Variants in APP observed in about 807,000 individuals in gnomAD.
APP encodes amyloid-beta precursor protein.
Under a neutral mutation model 101.4 loss-of-function variants are expected in APP, and 31 were observed. The observed-to-expected ratio is 0.31, with a 90% CI of 0.23 to 0.41. The LOEUF is 0.41. Ranked by LOEUF, APP falls within the 10% of genes least tolerant of loss-of-function variation. The pLI, the probability that APP is intolerant of heterozygous loss-of-function variation, is 1.00. For missense variants in APP, 839 were observed against 1,003.7 expected, an observed-to-expected ratio of 0.84 and a Z score of 2.22; for synonymous variants, 366 against 364.4, an observed-to-expected ratio of 1.00 and a Z score of -0.05.
intron 5 of APP, among the ~76,000 whole-genome samples, chr21:26,037,827 C>T (rs2045186743): frequency 6.6e-6 from 1 of 152,076 alleles, no homozygotes; most frequent in South Asian, 2.1e-4. Flanking sequence ...TTGAGGCTAA[C>T]CATTAACATT....
At chr21:26,038,122 AATC>A (rs1433035840) in intron 5 of APP, among the ~76,000 whole-genome samples, 3 of 152,182 alleles carry the variant, frequency 2.0e-5, no homozygotes, top group Non-Finnish European at 2.9e-5. Flanking sequence ...GCAGTTTTCT[AATC>A]ATGAGACATC....
At chr21:26,164,942 C>T (rs564768882) in intron 1 of APP, among the ~76,000 whole-genome samples, 138 of 150,218 alleles carry the variant, frequency 9.2e-4, no homozygotes, top group Non-Finnish European at 1.6e-3. Flanking sequence ...GTAAAAAATG[C>T]TTATGCTTTT....
intron 14 of APP, among the ~76,000 whole-genome samples, chr21:25,905,952 A>G (rs918579248): frequency 8.1e-3 from 1 of 124 alleles, no homozygotes; most frequent in Non-Finnish European, 0.018. Context: ...AAATGAAGCC[A>G]CGGAGGTAGG....
chr21:26,008,204 G>A (rs2043623098), intron 6 of APP, among the ~76,000 whole-genome samples: 1 of 152,166 alleles, frequency 6.6e-6, no homozygotes, highest in Non-Finnish European at 1.5e-5. Flanking sequence ...ATCTCTCCAT[G>A]ATGAAAGATT....
At chr21:26,011,533 G>A (rs1414350247) in intron 6 of APP, among the ~76,000 whole-genome samples, 2 of 152,124 alleles carry the variant, frequency 1.3e-5, no homozygotes, top group African/African-American at 4.8e-5. Context: ...GGCTAGTGAT[G>A]CAGCTAAACA....
chr21:25,969,433 C>T (rs1051384028), intron 11 of APP, among the ~76,000 whole-genome samples: 2 of 151,220 alleles, frequency 1.3e-5, no homozygotes, highest in Non-Finnish European at 2.9e-5. Context: ...CAGGTCAAGC[C>T]ATACAACATT....
intron 3 of APP, among the ~76,000 whole-genome samples, chr21:26,068,536 T>A (rs7276528): frequency 0.036 from 5,421 of 152,114 alleles, 305 homozygotes; most frequent in African/African-American, 0.12. Flanking sequence ...ATTTTTTTTT[T>A]AATTATTTTT....
At chr21:25,894,765 CAT>C (rs2146251414) in intron 16 of APP, among the ~76,000 whole-genome samples, 1 of 152,320 alleles carries the variant, frequency 6.6e-6, no homozygotes, top group African/African-American at 2.4e-5. Flanking sequence ...TAGGATATCA[CAT>C]AAACTCGATG....
At chr21:26,063,503 G>C (rs1388769863) in intron 3 of APP, among the ~76,000 whole-genome samples, 2 of 151,240 alleles carry the variant, frequency 1.3e-5, no homozygotes, top group Non-Finnish European at 2.9e-5. Context: ...AAATATGCAA[G>C]ATGAGACTGC....
intron 2 of APP, among the ~76,000 whole-genome samples, chr21:26,099,351 GAAGA>G (rs2062011489): frequency 6.6e-6 from 1 of 152,186 alleles, no homozygotes; most frequent in South Asian, 2.1e-4. Context: ...ACATATCCAA[GAAGA>G]AAGTAAGAAA....
At chr21:25,971,522 G>A (rs1028179625) in intron 11 of APP, among the ~76,000 whole-genome samples, 16 of 152,236 alleles carry the variant, frequency 1.1e-4, no homozygotes, top group Non-Finnish European at 4.4e-5. Flanking sequence ...GACATGAAGT[G>A]TGTGGAGAGA....
At chr21:26,054,858 T>C (rs1052493726) in intron 3 of APP, among the ~76,000 whole-genome samples, 1 of 152,058 alleles carries the variant, frequency 6.6e-6, no homozygotes, top group Non-Finnish European at 1.5e-5. Flanking sequence ...ATAGGGCATT[T>C]TCTGAAATGC....
intron 6 of APP, among the ~76,000 whole-genome samples, chr21:26,016,562 C>T (rs1030028759): frequency 6.6e-6 from 1 of 151,940 alleles, no homozygotes; most frequent in Non-Finnish European, 1.5e-5. Context: ...GTTATGTGAC[C>T]CAGGACAATT....
intron 3 of APP, among the ~76,000 whole-genome samples, chr21:26,066,429 A>G (rs1234605536): frequency 1.3e-5 from 2 of 151,844 alleles, no homozygotes; most frequent in Non-Finnish European, 2.9e-5. Context: ...TCATCTTGCT[A>G]AACTAAAACC....
intron 3 of APP, among the ~76,000 whole-genome samples, chr21:26,063,498 T>C (rs2046349462): frequency 6.6e-6 from 1 of 151,744 alleles, no homozygotes; most frequent in African/African-American, 2.4e-5. Flanking sequence ...GCTGAAAATA[T>C]GCAAGATGAG....
In APP at chr21:26,000,154, C is replaced by T. The variant is rs765778316; in HGVS notation, c.894G>A (p.Gly298=). The change falls in exon 7 of 18, where the codon GGG becomes GGA. Residue 298 remains glycine (G), a synonymous_variant. Coordinates refer to ENST00000346798, the MANE Select transcript of APP (RefSeq NM_000484.4). ...AGCGGGAGATCATTGCTCGGCACGGCCCCGTCTCGGCTTGTTCAGAGCACA... is the reference window on the plus strand; with the variant it reads ...AGCGGGAGATCATTGCTCGGCACGGTCCCGTCTCGGCTTGTTCAGAGCACA... The part of the protein sequence containing the change: ...REVCSEQAET[G]PCRAMISRWY... 1.9e-6 allele frequency: 3 copies of T among 1,614,068 alleles called. No homozygotes were observed. The highest frequency in any genetic ancestry group is 1.3e-5 in the African/African-American group (1 of 74,926).
chr21:26,143,869 C>A (rs2063101040), intron 1 of APP, among the ~76,000 whole-genome samples: 1 of 152,196 alleles, frequency 6.6e-6, no homozygotes, highest in Non-Finnish European at 1.5e-5. Flanking sequence ...TGGATTTCAA[C>A]CTCACCCCTA....
rs543729676 is a variant in APP at position 25,995,899 on chromosome 21, T to A, written c.1090+1461A>T. Among the ~76,000 whole-genome samples the A allele has an allele frequency of 6.6e-5, 10 of 152,098 alleles. No homozygotes were observed. The East Asian group carries it at 1.4e-3, about 21-fold the overall frequency. On this transcript the variant is annotated intron_variant, in intron 8 of 17. Transcript: ENST00000346798. ...TACCTAATCCTTCATCTATAATTTA[T>A]CATCTTTAAAAAAGATAACTGGCTT...
chr21:25,953,134 T>C (rs766902087), intron 13 of APP, among the ~76,000 whole-genome samples: 47 of 152,228 alleles, frequency 3.1e-4, no homozygotes, highest in Admixed American at 1.8e-3. Context: ...GGTTTCACCA[T>C]GTTGGCCAGG....
Sources: allele counts gnomAD v4.1 joint callset (sites outside exome capture counted in the v4.1 genomes callset), GRCh38; gene constraint gnomAD v4.1.1; transcripts MANE v1.5; gene names NCBI Gene and HGNC (gene_info 2026-07-23, HGNC 2026-07-21).